Variants in TRERF1 observed in about 807,000 individuals in gnomAD.
TRERF1 encodes transcriptional regulating factor 1.
A neutral mutation model predicts 122.9 loss-of-function variants in TRERF1; 27 were observed. The observed-to-expected ratio is 0.22, with a 90% confidence interval of 0.16 to 0.30. The LOEUF is 0.30. Among genes scored for constraint, TRERF1 ranks in the 10% least tolerant of loss-of-function variants. The probability of loss-of-function intolerance (pLI) is 1.00; values close to 1 mark genes in which losing one functional copy is unlikely to be tolerated. For missense variants in TRERF1, 1,248 were observed against 1,560.3 expected, an observed-to-expected ratio of 0.80 and a Z score of 3.37; for synonymous variants, 636 against 641.7, an observed-to-expected ratio of 0.99 and a Z score of 0.13.
chr6:42,395,093 T>G (rs1254244462), intron 2 of TRERF1, among the ~76,000 whole-genome samples: 1 of 152,000 alleles, frequency 6.6e-6, no homozygotes, highest in African/African-American at 2.4e-5. Context: ...TTCTGGGGAG[T>G]CCAGGCTGTG....
chr6:42,325,952 C>G (rs1173346597), intron 3 of TRERF1, among the ~76,000 whole-genome samples: 4 of 152,180 alleles, frequency 2.6e-5, no homozygotes, highest in Admixed American at 6.5e-5. Flanking sequence ...CCAAATACCA[C>G]ATGTTCTCAC....
intron 2 of TRERF1, among the ~76,000 whole-genome samples, chr6:42,415,830 T>C (rs1030505901): frequency 5.3e-5 from 8 of 152,098 alleles, no homozygotes; most frequent in African/African-American, 1.7e-4. Context: ...TGCATGCTAA[T>C]TTTTCCATAT....
intron 3 of TRERF1, among the ~76,000 whole-genome samples, chr6:42,331,321 A>T (rs1172000451): frequency 6.6e-6 from 1 of 152,148 alleles, no homozygotes; most frequent in Non-Finnish European, 1.5e-5. Flanking sequence ...AAGTCCAGAG[A>T]GTGAGAGAAG....
Position 42,263,169 on chromosome 6 carries a change from C to T in TRERF1, c.1884+151G>A. On this transcript the variant is annotated intron_variant, in intron 8 of 17. Transcript: ENST00000372922. This position sits in a 1 kb window ranked among gnomAD's most constrained non-coding sequence, Gnocchi z 5.6. ...CCTGAGAGACCAAGCCGTATCCAAG[C>T]TCAGGTCAGTGACTCTGGAAGGGCC... 7.1e-7 allele frequency: 1 copy of T among 1,414,758 alleles called. No individual in the cohort carries two copies. Among genetic ancestry groups the T allele is most frequent in the Non-Finnish European group, 9.2e-7 (1 of 1,085,018 alleles). 87.6% of individuals were successfully genotyped at this position (1,414,758 alleles called of 1,614,324 possible). A position where few individuals can be genotyped will look rare whatever the true frequency, so the allele number is the denominator to read the frequency against.
intron 2 of TRERF1, among the ~76,000 whole-genome samples, chr6:42,378,618 A>G (rs181990): frequency 0.18 from 27,183 of 152,046 alleles, 4,723 homozygotes; most frequent in African/African-American, 0.45. Context: ...CTTGTCTGTC[A>G]GAGGCAAAGA....
Position 42,263,408 on chromosome 6 carries a change from G to C in TRERF1, c.1796C>G (p.Ser599Cys). ...AACGGTGCTGTTGGTGAACCCCTGA[G>C]AGCTGGGCTTGGGCGGGAGAAGCTT... Residue 599 changes from serine to cysteine, a missense_variant, in exon 8 of 18, where the codon TCT (serine) becomes TGT (cysteine). This residue lies in a region of TRERF1 where 946 missense variants were observed against 1,073.0 expected (regional missense o/e 0.88). Transcript: ENST00000372922. This position sits in a 1 kb window ranked among gnomAD's most constrained non-coding sequence, Gnocchi z 5.6. 1 of 1,612,596 alleles carries C rather than the reference G, an allele frequency of 6.2e-7. No homozygotes were observed. The highest frequency in any genetic ancestry group is 8.5e-7 in the Non-Finnish European group (1 of 1,179,442).
chr6:42,273,599 A>G (rs900718950), intron 4 of TRERF1, among the ~76,000 whole-genome samples: 4 of 152,232 alleles, frequency 2.6e-5, no homozygotes, highest in Non-Finnish European at 5.9e-5. Flanking sequence ...ACAAAGGCAT[A>G]AAGTCAGGTG....
chr6:42,410,976 G>C (rs775782552), intron 2 of TRERF1, among the ~76,000 whole-genome samples: 3 of 152,232 alleles, frequency 2.0e-5, no homozygotes, highest in Non-Finnish European at 4.4e-5. Flanking sequence ...CCTGTCTGGA[G>C]AGATGCTGGC....
intron 15 of TRERF1, among the ~76,000 whole-genome samples, chr6:42,239,534 C>G (rs1257463963): frequency 6.6e-6 from 1 of 152,184 alleles, no homozygotes; most frequent in Non-Finnish European, 1.5e-5. Context: ...TTTCCCCTCT[C>G]AAGTCCTCAA....
intron 2 of TRERF1, among the ~76,000 whole-genome samples, chr6:42,399,667 C>T (rs1322620989): frequency 6.6e-6 from 1 of 152,190 alleles, no homozygotes; most frequent in South Asian, 2.1e-4. Flanking sequence ...GTAGTCTGTT[C>T]CAGGCCTAAT....
intron 16 of TRERF1, among the ~76,000 whole-genome samples, chr6:42,234,971 G>T (rs1343874590): frequency 1.3e-5 from 2 of 152,156 alleles, no homozygotes; most frequent in Admixed American, 1.3e-4. Flanking sequence ...CAATCATGCT[G>T]CAGTGAACAC....
At chr6:42,418,258 C>CTTTTTTT (rs1384299239) in intron 2 of TRERF1, among the ~76,000 whole-genome samples, 1 of 8,850 alleles carries the variant, frequency 1.1e-4, no homozygotes, top group Non-Finnish European at 2.5e-4. Context: ...TTTGCTCTTT[C>CTTTTTTT]TTTCTTTCTT....
chr6:42,423,637 C>T (rs898295614), intron 2 of TRERF1, among the ~76,000 whole-genome samples: 4 of 152,172 alleles, frequency 2.6e-5, no homozygotes, highest in Admixed American at 6.5e-5. Context: ...AAAATACATT[C>T]GTGGTAATAA....
chr6:42,384,110 T>C (rs1045571800), intron 2 of TRERF1, among the ~76,000 whole-genome samples: 1 of 152,046 alleles, frequency 6.6e-6, no homozygotes, highest in Non-Finnish European at 1.5e-5. Context: ...TTACCAGTAA[T>C]TCCACTTCTA....
intron 2 of TRERF1, among the ~76,000 whole-genome samples, chr6:42,437,320 A>C (rs1785633651): frequency 6.6e-6 from 1 of 152,136 alleles, no homozygotes; most frequent in African/African-American, 2.4e-5. Flanking sequence ...ACGTGTGTGA[A>C]CCACGCACCC....
At chr6:42,255,177 G>A (rs1776508240) in intron 12 of TRERF1, among the ~76,000 whole-genome samples, 1 of 152,210 alleles carries the variant, frequency 6.6e-6, no homozygotes. Context: ...AGAACGACCT[G>A]ACTCTTCCTT....
At chr6:42,331,566 C>T (rs907224812) in intron 3 of TRERF1, among the ~76,000 whole-genome samples, 1 of 152,226 alleles carries the variant, frequency 6.6e-6, no homozygotes, top group African/African-American at 2.4e-5. Context: ...ACCACTAAGT[C>T]AGAGGGGTCA....
intron 2 of TRERF1, among the ~76,000 whole-genome samples, chr6:42,450,547 T>C (rs946488073): frequency 1.8e-4 from 27 of 152,368 alleles, no homozygotes; most frequent in African/African-American, 6.0e-4. Flanking sequence ...CGTTTTCTTG[T>C]AACCTAAGGA....
At chr6:42,317,775 T>G (rs1762730815) in intron 3 of TRERF1, among the ~76,000 whole-genome samples, 1 of 152,120 alleles carries the variant, frequency 6.6e-6, no homozygotes, top group Non-Finnish European at 1.5e-5. Flanking sequence ...TTTTTTTTTT[T>G]GCTAAACTTT....
Sources: gnomAD v4.1 joint callset for allele counts (sites outside exome capture counted in the v4.1 genomes callset) on GRCh38, gnomAD v4.1.1 for gene constraint, gnomAD v4.1.1 regional missense constraint, Gnocchi (gnomAD v3.1) non-coding constraint, MANE v1.5 for transcripts, NCBI Gene and HGNC (gene_info 2026-07-23, HGNC 2026-07-21) for gene names.